Variants in MFHAS1 observed in about 807,000 individuals in gnomAD.
MFHAS1 encodes the protein malignant fibrous histiocytoma-amplified sequence 1.
Under a neutral mutation model 70.4 loss-of-function variants are expected in MFHAS1, and 50 were observed. The observed-to-expected ratio is 0.71, with a 90% CI of 0.57 to 0.90. The LOEUF is 0.90. Ranked by LOEUF, MFHAS1 falls within the 40% of genes least tolerant of loss-of-function variation. The pLI is 0.00. For missense variants in MFHAS1, 1,795 were observed against 1,347.6 expected (o/e 1.33, Z -5.20); for synonymous variants, 952 against 620.0 (o/e 1.54, Z -7.96).
rs1430729312 is a variant in MFHAS1 at position 8,893,568 on chromosome 8, G to C, written c.-510C>G. On this transcript the variant is annotated 5_prime_UTR_variant, in exon 1 of 3. Transcript: ENST00000276282. ...GGCGCCTCCTTGTCTCCGTTTCCCC[G>C]GGCTCGGGCGGGAGCGCGGGCGCCG... The C allele has an allele frequency of 2.0e-5, 3 of 146,420 alleles. No homozygotes were observed. Among genetic ancestry groups the C allele is most frequent in the Non-Finnish European group, 3.0e-5 (2 of 65,776 alleles). The allele number at this position is 146,420 out of a possible 1,614,324, so 9.1% of individuals were successfully genotyped here. A position where few individuals can be genotyped will look rare whatever the true frequency, so the allele number is the denominator to read the frequency against.
chr8:8,853,055 C>T (rs768157231), intron 1 of MFHAS1, among the ~76,000 whole-genome samples: 3 of 152,176 alleles, frequency 2.0e-5, no homozygotes, highest in African/African-American at 4.8e-5. Context: ...TCAGCAGCAA[C>T]TGCCTGGCTC....
rs529300469 is a variant in MFHAS1 at position 8,872,947 on chromosome 8, G to C, written c.2998+17114C>G. On this transcript the variant is annotated intron_variant, in intron 1 of 2. Coordinates refer to ENST00000276282, the MANE Select transcript of MFHAS1 (RefSeq NM_004225.3). ...ACAGGCAGCAGAACATCGTGCAAGA[G>C]TGAGACGGAGACAACCGGGCAGTGC... 2.6e-5 allele frequency among the ~76,000 whole-genome samples: 4 copies of C among 152,312 alleles called. No homozygotes were observed. The South Asian group carries it at 8.3e-4, about 32-fold the overall frequency.
chr8:8,865,934 T>C (rs1399487945), intron 1 of MFHAS1, among the ~76,000 whole-genome samples: 1 of 152,172 alleles, frequency 6.6e-6, no homozygotes. Context: ...TCCACACCTC[T>C]CCTTGTTCAG....
At position 8,823,092 on chromosome 8, in the gene MFHAS1, G is replaced by A. The variant is rs185797875; in HGVS notation, c.2999-25601C>T. Among the ~76,000 whole-genome samples the A allele has an allele frequency of 2.0e-3, 303 of 152,258 alleles. 6 individuals carry two copies. Among genetic ancestry groups the A allele is most frequent in the Middle Eastern group, 3.4e-3 (1 of 294 alleles). On this transcript the variant is annotated intron_variant, in intron 1 of 2. Transcript: ENST00000276282. ...ACAGAGATTCTCTTCCCCATCCTTG[G>A]AATCTGGGGATAGCTCTCCTCCTGC...
chr8:8,846,515 A>G (rs2116863457), intron 1 of MFHAS1, among the ~76,000 whole-genome samples: 2 of 152,278 alleles, frequency 1.3e-5, no homozygotes, highest in African/African-American at 4.8e-5. Flanking sequence ...CACACTCTCC[A>G]GGACCTTTTA....
chr8:8,786,609 C>T (rs1340305497), intron 2 of MFHAS1, among the ~76,000 whole-genome samples: 1 of 152,034 alleles, frequency 6.6e-6, no homozygotes, highest in Non-Finnish European at 1.5e-5. Flanking sequence ...AAGCGGGATT[C>T]AGTTCCGATA....
At chr8:8,854,059 C>T (rs1278145797) in intron 1 of MFHAS1, among the ~76,000 whole-genome samples, 1 of 152,174 alleles carries the variant, frequency 6.6e-6, no homozygotes, top group Admixed American at 6.5e-5. Context: ...AGCAAAAAAT[C>T]CTTTGTAAGT....
intron 1 of MFHAS1, among the ~76,000 whole-genome samples, chr8:8,854,671 G>T (rs1291311323): frequency 3.8e-5 from 5 of 131,948 alleles, no homozygotes; most frequent in Non-Finnish European, 7.9e-5. Context: ...GATGACAGAG[G>T]GGGACTTTGT....
intron 1 of MFHAS1, among the ~76,000 whole-genome samples, chr8:8,838,588 G>A (rs974846120): frequency 3.3e-5 from 5 of 152,006 alleles, no homozygotes; most frequent in Non-Finnish European, 5.9e-5. Flanking sequence ...AGAGGCGGGC[G>A]GATCACCTGA....
At chr8:8,832,658 T>C (rs1158231726) in intron 1 of MFHAS1, among the ~76,000 whole-genome samples, 37 of 145,886 alleles carry the variant, frequency 2.5e-4, no homozygotes, top group Non-Finnish European at 4.8e-4. Context: ...AGACAGAGTC[T>C]CTCTCTGTTG....
intron 1 of MFHAS1, among the ~76,000 whole-genome samples, chr8:8,837,496 G>C (rs1456516384): frequency 6.6e-6 from 1 of 152,038 alleles, no homozygotes; most frequent in Non-Finnish European, 1.5e-5. Context: ...ACAAAAATTA[G>C]CCAAGCGTGG....
At chr8:8,872,318 TCCC>T (rs1033051239) in intron 1 of MFHAS1, among the ~76,000 whole-genome samples, 1 of 152,054 alleles carries the variant, frequency 6.6e-6, no homozygotes, top group Non-Finnish European at 1.5e-5. Flanking sequence ...TCGATGGAAA[TCCC>T]CCCATGAATA....
At chr8:8,856,119 C>T (rs1268694629) in intron 1 of MFHAS1, among the ~76,000 whole-genome samples, 3 of 152,170 alleles carry the variant, frequency 2.0e-5, no homozygotes, top group Non-Finnish European at 4.4e-5. Context: ...ATGAGGGATT[C>T]CCCATGAACT....
At chr8:8,878,926 T>C (rs553785714) in intron 1 of MFHAS1, among the ~76,000 whole-genome samples, 1 of 152,242 alleles carries the variant, frequency 6.6e-6, no homozygotes, top group Non-Finnish European at 1.5e-5. Flanking sequence ...CATATATTTT[T>C]ATTATGATGA....
At chr8:8,889,564 C>T (rs1016502471) in intron 1 of MFHAS1, among the ~76,000 whole-genome samples, 2 of 152,232 alleles carry the variant, frequency 1.3e-5, no homozygotes, top group African/African-American at 4.8e-5. Context: ...TGTATCAAAA[C>T]ATCTCATGCA....
intron 1 of MFHAS1, among the ~76,000 whole-genome samples, chr8:8,808,321 C>G (rs9644777): frequency 6.6e-6 from 1 of 152,144 alleles, no homozygotes; most frequent in East Asian, 1.9e-4. Flanking sequence ...CCCCTGGGAA[C>G]CCTCCTCTGC....
At chr8:8,864,861 A>G (rs532847213) in intron 1 of MFHAS1, among the ~76,000 whole-genome samples, 6 of 152,344 alleles carry the variant, frequency 3.9e-5, no homozygotes, top group African/African-American at 1.4e-4. Flanking sequence ...GTTATATAAC[A>G]TGGTGCCGAA....
intron 1 of MFHAS1, among the ~76,000 whole-genome samples, chr8:8,866,932 T>C (rs1008421206): frequency 6.6e-6 from 1 of 152,098 alleles, no homozygotes; most frequent in Non-Finnish European, 1.5e-5. Flanking sequence ...GAAATACATA[T>C]CTGATACAAG....
chr8:8,884,150 T>G (rs568974837), intron 1 of MFHAS1, among the ~76,000 whole-genome samples: 1 of 151,742 alleles, frequency 6.6e-6, no homozygotes, highest in Non-Finnish European at 1.5e-5. Context: ...GAGATGGACT[T>G]AAGAGTCTAT....
Sources: gnomAD v4.1 joint callset for allele counts (sites outside exome capture counted in the v4.1 genomes callset) on GRCh38, gnomAD v4.1.1 for gene constraint, MANE v1.5 for transcripts, NCBI Gene and HGNC (gene_info 2026-07-23, HGNC 2026-07-21) for gene names.